The following RNF43 variants were observed in gnomAD, a reference collection of about 807,000 sequenced individuals.
RNF43 encodes the protein E3 ubiquitin-protein ligase RNF43.
A neutral mutation model predicts 78.4 loss-of-function variants in RNF43; 37 were observed. The ratio of observed to expected loss-of-function variants is 0.47; its 90% confidence interval spans 0.36 to 0.62. The LOEUF (loss-of-function observed/expected upper bound fraction) is 0.62, where lower values mean the gene tolerates loss of function less well. RNF43 is among the 20% of genes least tolerant of loss of function. RNF43 has a pLI of 0.00. For missense variants in RNF43, 774 were observed against 1,007.9 expected, an observed-to-expected ratio of 0.77 and a Z score of 3.14; for synonymous variants, 347 against 395.0, an observed-to-expected ratio of 0.88 and a Z score of 1.44.
chr17:58,382,498 T>A (rs1368590224), intron 2 of RNF43, among the ~76,000 whole-genome samples: 1 of 152,230 alleles, frequency 6.6e-6, no homozygotes, highest in Non-Finnish European at 1.5e-5. Flanking sequence ...TATCTTGACC[T>A]CATCACAAGG....
intron 3 of RNF43, among the ~76,000 whole-genome samples, chr17:58,370,058 G>T (rs1973046982): frequency 8.5e-6 from 1 of 118,046 alleles, no homozygotes; most frequent in South Asian, 2.8e-4. Context: ...CTGAAAATCT[G>T]AGTTTTTTTT....
At chr17:58,409,590 C>T (rs534723271) in intron 2 of RNF43, among the ~76,000 whole-genome samples, 2 of 152,318 alleles carry the variant, frequency 1.3e-5, no homozygotes, top group South Asian at 2.1e-4. Flanking sequence ...CCAGACTGGT[C>T]TCCAACTCCT....
intron 2 of RNF43, among the ~76,000 whole-genome samples, chr17:58,385,058 C>T (rs929100227): frequency 3.9e-5 from 6 of 152,192 alleles, no homozygotes; most frequent in Admixed American, 2.0e-4. Flanking sequence ...TGACTCTTCA[C>T]GTGTTGCTCA....
chr17:58,370,335 T>C (rs1973062339), intron 3 of RNF43, among the ~76,000 whole-genome samples: 1 of 152,194 alleles, frequency 6.6e-6, no homozygotes, highest in African/African-American at 2.4e-5. Context: ...CCCAAAGTGC[T>C]GGGATTATAG....
At chr17:58,416,297 A>T (rs1352251448) in intron 1 of RNF43, 2 of 152,200 alleles carry the variant, frequency 1.3e-5, no homozygotes, top group Admixed American at 6.5e-5. Context: ...ACATACCATA[A>T]TTTTTTGTGT....
chr17:58,388,187 T>C (rs748585193), intron 2 of RNF43, among the ~76,000 whole-genome samples: 6 of 152,218 alleles, frequency 3.9e-5, no homozygotes, highest in Non-Finnish European at 5.9e-5. Context: ...ACTCAGAAAG[T>C]AGCAGCATAT....
At chr17:58,392,052 T>TA (rs1973571573) in intron 2 of RNF43, among the ~76,000 whole-genome samples, 2 of 152,284 alleles carry the variant, frequency 1.3e-5, no homozygotes, top group East Asian at 3.9e-4. Flanking sequence ...AAGCAGCCCC[T>TA]AAGACAGTGG....
chr17:58,388,098 G>C (rs569126698), intron 2 of RNF43, among the ~76,000 whole-genome samples: 1 of 152,198 alleles, frequency 6.6e-6, no homozygotes, highest in Non-Finnish European at 1.5e-5. Context: ...CCTCTGTGCA[G>C]ATGCCTATAA....
intron 2 of RNF43, among the ~76,000 whole-genome samples, chr17:58,380,291 G>T (rs1057032323): frequency 6.6e-6 from 1 of 152,172 alleles, no homozygotes; most frequent in African/African-American, 2.4e-5. Flanking sequence ...AAAGGCCGAG[G>T]TCTTGACACA....
At chr17:58,373,104 G>A (rs941303291) in intron 2 of RNF43, among the ~76,000 whole-genome samples, 3 of 152,198 alleles carry the variant, frequency 2.0e-5, no homozygotes, top group Non-Finnish European at 4.4e-5. Context: ...CTTCCCTGAG[G>A]AAGGACAAAT....
At chr17:58,408,215 C>T (rs1973952455) in intron 2 of RNF43, among the ~76,000 whole-genome samples, 1 of 152,182 alleles carries the variant, frequency 6.6e-6, no homozygotes, top group South Asian at 2.1e-4. Context: ...AGTTGCTTTT[C>T]ATCTGGAGTC....
chr17:58,385,677 T>C lies in RNF43; in HGVS notation c.253-14644A>G, dbSNP rs16942988. 2.9e-3 allele frequency among the ~76,000 whole-genome samples: 436 copies of C among 152,338 alleles called. 2 individuals carry two copies. Among genetic ancestry groups the C allele is most frequent in the African/African-American group, 0.01 (422 of 41,578 alleles). On this transcript the variant is annotated intron_variant, in intron 2 of 9. Coordinates refer to ENST00000407977, the MANE Select transcript of RNF43 (RefSeq NM_017763.6). ...TCTTCTGAATTAAATTCAAACTCCA[T>C]AGCCTATCAAATCAAGGCCTCGGTG...
chr17:58,367,070 G>A (rs1037098030), intron 3 of RNF43, among the ~76,000 whole-genome samples: 26 of 144,140 alleles, frequency 1.8e-4, no homozygotes, highest in African/African-American at 2.1e-4. Flanking sequence ...GTGTGATCTC[G>A]GCTCACTGCA....
chr17:58,415,714 G>A lies in RNF43; in HGVS notation c.-137C>T. The A allele has an allele frequency of 9.7e-7, 1 of 1,026,786 alleles. No individual in the cohort carries two copies. Among genetic ancestry groups the A allele is most frequent in the South Asian group, 1.6e-5 (1 of 61,106 alleles). The allele number at this position is 1,026,786 out of a possible 1,614,324, so 63.6% of individuals were successfully genotyped here. A position where few individuals can be genotyped will look rare whatever the true frequency, so the allele number is the denominator to read the frequency against. On this transcript the variant is annotated 5_prime_UTR_variant, in exon 2 of 10. Transcript: ENST00000407977. ...TTTCAGAAAGCCAAGTCGTAGTTTT[G>A]GCCCTTCCTTTCTCTAAAGTTTATT... is the stretch of plus-strand genomic sequence containing the variant.
At position 58,415,569 on chromosome 17, in the gene RNF43, A is replaced by G; in HGVS notation, c.9T>C (p.Gly3=). MS[G]GHQLQLAALW... is the part of the protein sequence containing the mutation. ...GGGCAGCCAGCTGCAGCTGGTGGCC[A>G]CCACTCATGCTACCAGCTGCAGCAA... The change falls in exon 2 of 10, where the codon GGT becomes GGC. Residue 3 remains glycine, a synonymous_variant. Coordinates refer to ENST00000407977, the MANE Select transcript of RNF43 (RefSeq NM_017763.6). 2 of 1,607,472 alleles carry G rather than the reference A, an allele frequency of 1.2e-6. No individual in the cohort carries two copies. The highest frequency in any genetic ancestry group is 1.7e-6 in the Non-Finnish European group (2 of 1,179,970).
intron 2 of RNF43, among the ~76,000 whole-genome samples, chr17:58,392,990 T>C (rs1973591903): frequency 6.6e-6 from 1 of 152,200 alleles, no homozygotes; most frequent in African/African-American, 2.4e-5. Flanking sequence ...GTGGATTGTC[T>C]TCTGCCTCTG....
At chr17:58,352,517 C>G (rs1972576901), downstream of RNF43, 2 of 227,838 alleles carry the variant, frequency 8.8e-6, no homozygotes, top group Non-Finnish European at 1.7e-5. Flanking sequence ...TGGCCCTGGG[C>G]GTCGGTCCTG....
At chr17:58,401,734 T>C (rs1334250475) in intron 2 of RNF43, among the ~76,000 whole-genome samples, 1 of 151,872 alleles carries the variant, frequency 6.6e-6, no homozygotes, top group African/African-American at 2.4e-5. Context: ...CAGGCTGGGC[T>C]CTCTCCTTAT....
In RNF43 at chr17:58,360,246, T is replaced by C; in HGVS notation, c.855A>G (p.Leu285=). Residue 285 remains leucine, a synonymous_variant, in exon 8 of 10, where the codon CTA becomes CTG. Coordinates refer to ENST00000407977, the MANE Select transcript of RNF43 (RefSeq NM_017763.6). This position sits in a 1 kb window ranked among gnomAD's most constrained non-coding sequence, Gnocchi z 4.3. The part of the protein sequence containing the change: ...CLEEFSEGQE[L]RVISCLHEFH... ...ACTCATGGAGGCAGGAAATGACCCG[T>C]AGCTCCTGGAGAAAAAGAGGGGGTC... 6.2e-7 allele frequency: 1 copy of C among 1,613,682 alleles called. No individual in the cohort carries two copies. The highest frequency in any genetic ancestry group is 8.5e-7 in the Non-Finnish European group (1 of 1,179,590).
Sources: gnomAD v4.1 joint callset for allele counts (sites outside exome capture counted in the v4.1 genomes callset) on GRCh38, gnomAD v4.1.1 for gene constraint, Gnocchi (gnomAD v3.1) non-coding constraint, MANE v1.5 for transcripts, NCBI Gene and HGNC (gene_info 2026-07-23, HGNC 2026-07-21) for gene names.